Variants in AKR7A2 observed in about 807,000 individuals in gnomAD.
AKR7A2 encodes the protein aldo-keto reductase family 7 member A2, also known as aflatoxin B1 aldehyde reductase member 2.
Under a neutral mutation model 37.3 loss-of-function variants are expected in AKR7A2, and 29 were observed. That is an observed-to-expected ratio of 0.78 (90% CI 0.58 to 1.06). The LOEUF (loss-of-function observed/expected upper bound fraction) is 1.06, where lower values mean the gene tolerates loss of function less well. AKR7A2 is among the 50% of genes least tolerant of loss of function. The probability of loss-of-function intolerance (pLI) is 0.00; values close to 1 mark genes in which losing one functional copy is unlikely to be tolerated. For synonymous variants in AKR7A2, 228 were observed against 217.8 expected (o/e 1.05, Z -0.41); for missense variants, 529 against 497.9 (o/e 1.06, Z -0.59).
intron 1 of AKR7A2, among the ~76,000 whole-genome samples, chr1:19,309,808 C>T (rs2093768906): frequency 6.6e-6 from 1 of 151,972 alleles, no homozygotes; most frequent in South Asian, 2.1e-4. Context: ...GGAAAGGTAG[C>T]TCACGCCTGT....
chr1:19,307,469 T>C lies in AKR7A2; in HGVS notation c.592-59A>G, dbSNP rs530085013. 9.5e-6 allele frequency: 15 copies of C among 1,581,476 alleles called. No individual in the cohort carries two copies. The African/African-American group carries it at 1.6e-4, about 17-fold the overall frequency. On this transcript the variant is annotated intron_variant, in intron 3 of 6. Transcript: ENST00000235835. ...CATGTCAAGAGAAGGAACTGTTGCC[T>C]TCCACTTTCAAACCTCTAAAGCAAC...
Position 19,307,335 on chromosome 1 carries a change from A to G in AKR7A2, c.667T>C (p.Tyr223His). ...PCLRHFGLRF[Y>H]AYNPLAGGLL... is the part of the protein sequence containing the mutation. ...GTACCAGCCAGAGGGTTGTAGGCAT[A>G]GAACCTCAGTCCAAAGTGCCTGAGG... Residue 223 changes from tyrosine to histidine, a missense_variant, in exon 4 of 7, where the codon TAT becomes CAT. By Grantham distance (83) the Tyr-to-His change is moderately conservative. Transcript: ENST00000235835. 1 of 1,613,710 alleles carries G rather than the reference A, an allele frequency of 6.2e-7. No individual in the cohort carries two copies. The highest frequency in any genetic ancestry group is 8.5e-7 in the Non-Finnish European group (1 of 1,179,994).
At chr1:19,311,706 G>C (rs956593019) in intron 1 of AKR7A2, 121 bp downstream of exon 1, 25 of 1,281,636 alleles carry the variant, frequency 2.0e-5, no homozygotes, top group Non-Finnish European at 2.6e-5. Context: ...TGGACCTGGG[G>C]TGGGGAGCGA....
intron 1 of AKR7A2, among the ~76,000 whole-genome samples, chr1:19,310,647 G>A (rs1320968083): frequency 6.6e-6 from 1 of 152,152 alleles, no homozygotes; most frequent in East Asian, 1.9e-4. Context: ...ACTCCACCCT[G>A]GGTGACAGAG....
chr1:19,306,041 T>C lies in AKR7A2; in HGVS notation c.895A>G (p.Met299Val). Residue 299 changes from methionine (M) to valine (V), a missense_variant, in exon 6 of 7, where the codon ATG (methionine) becomes GTG (valine). Coordinates refer to ENST00000235835, the MANE Select transcript of AKR7A2 (RefSeq NM_003689.4). The part of the protein sequence containing the change: ...PSVTSAALRW[M>V]YHHSQLQGAH... ...ACCTGCAGCTGTGAGTGGTGGTACA[T>C]CCACCGGAGGGCAGCCGAGGTCACA... The C allele has an allele frequency of 6.2e-7, 1 of 1,614,058 alleles. No individual in the cohort carries two copies. The highest frequency in any genetic ancestry group is 8.5e-7 in the Non-Finnish European group (1 of 1,179,932).
chr1:19,305,397 G>A (rs903934256), intron 6 of AKR7A2, among the ~76,000 whole-genome samples: 3 of 152,132 alleles, frequency 2.0e-5, no homozygotes, highest in African/African-American at 7.2e-5. Context: ...AGGTGCAGTG[G>A]TGTAATCTCA....
In AKR7A2 at chr1:19,312,136, C is replaced by A; in HGVS notation, c.-12G>T. On this transcript the variant is annotated 5_prime_UTR_variant, in exon 1 of 7. The change creates a new upstream start codon in the 5' untranslated region. Coordinates refer to ENST00000235835, the MANE Select transcript of AKR7A2 (RefSeq NM_003689.4). ...GCGGCACTCAGCATAGCAGCGGCGCCTGCGCGTTGGGAGCCGGGGGCCCCG... is the reference window on the plus strand; with the variant it reads ...GCGGCACTCAGCATAGCAGCGGCGCATGCGCGTTGGGAGCCGGGGGCCCCG... The A allele has an allele frequency of 2.4e-6, 3 of 1,251,722 alleles. No individual in the cohort carries two copies. Among genetic ancestry groups the A allele is most frequent in the Non-Finnish European group, 3.0e-6 (3 of 999,154 alleles). The allele number at this position is 1,251,722 out of a possible 1,614,324, so 77.5% of individuals were successfully genotyped here.
At chr1:19,307,795 A>G (rs2093764495) in intron 3 of AKR7A2, 1 of 493,342 alleles carries the variant, frequency 2.0e-6, no homozygotes, top group Non-Finnish European at 3.7e-6. Flanking sequence ...TGAAGATGAG[A>G]TTTGGAGACT....
intron 1 of AKR7A2, among the ~76,000 whole-genome samples, chr1:19,310,616 G>C (rs1454841613): frequency 6.6e-6 from 1 of 152,124 alleles, no homozygotes; most frequent in Admixed American, 6.5e-5. Context: ...AGGTTGCAGT[G>C]AGCTGAGATC....
At chr1:19,310,029 T>C (rs1485728544) in intron 1 of AKR7A2, among the ~76,000 whole-genome samples, 3 of 151,804 alleles carry the variant, frequency 2.0e-5, no homozygotes, top group East Asian at 1.9e-4. Flanking sequence ...TGAGTCCAGA[T>C]TGTGCTACTG....
At position 19,308,594 on chromosome 1, in the gene AKR7A2, G is replaced by A. The variant is rs2093766762; in HGVS notation, c.347C>T (p.Pro116Leu). ...CTCCAGCTGGGACCGGACACTGTCA[G>A]GCTTTAGTGATTTTCCATCCCAAGG... is the stretch of plus-strand genomic sequence containing the variant. ...ANPWDGKSLKPDSVRSQLETS... is the reference protein window; with the variant it reads ...ANPWDGKSLKLDSVRSQLETS... The change falls in exon 2 of 7, where the codon CCT (proline) becomes CTT (leucine). Residue 116 changes from proline to leucine, a missense_variant. Pro to Leu is a moderately conservative substitution (Grantham distance 98, BLOSUM62 -3). Transcript: ENST00000235835. 6.2e-7 allele frequency: 1 copy of A among 1,614,092 alleles called. No homozygotes were observed. The highest frequency in any genetic ancestry group is 1.7e-5 in the Admixed American group (1 of 60,012).
rs2231203 is a variant in AKR7A2 at position 19,307,026 on chromosome 1, C to T, written c.764G>A (p.Ser255Asn). 5.4e-3 allele frequency: 8,715 copies of T among 1,614,192 alleles called. 465 individuals carry two copies. In the African/African-American group the frequency reaches 0.1, roughly 19 times the overall value. Residue 255 changes from serine (S) to asparagine (N), a missense_variant, in exon 5 of 7, where the codon AGC becomes AAC. Coordinates refer to ENST00000235835, the MANE Select transcript of AKR7A2 (RefSeq NM_003689.4). The part of the protein sequence containing the change: ...KQPVGRFFGN[S>N]WAETYRNRFW... ...CCGATTCCTGTAGGTCTCAGCCCAGCTATTCCCAAAGAAGCGGCCCACAGG... is the reference window on the plus strand; with the variant it reads ...CCGATTCCTGTAGGTCTCAGCCCAGTTATTCCCAAAGAAGCGGCCCACAGG...
chr1:19,310,453 T>A (rs2093770395), intron 1 of AKR7A2, among the ~76,000 whole-genome samples: 1 of 152,040 alleles, frequency 6.6e-6, no homozygotes. Flanking sequence ...ATCCCAGCAC[T>A]TTGGGAGGCT....
chr1:19,311,804 G>A, intron 1 of AKR7A2, 23 bp downstream of exon 1: 1 of 1,610,034 alleles, frequency 6.2e-7, no homozygotes, highest in Non-Finnish European at 8.5e-7. Context: ...CGATGCATGG[G>A]GAGGATCTGC....
chr1:19,311,465 T>C (rs747270276), intron 1 of AKR7A2, among the ~76,000 whole-genome samples: 2 of 151,994 alleles, frequency 1.3e-5, no homozygotes, highest in African/African-American at 2.4e-5. Flanking sequence ...AGGGTGTGCA[T>C]GCGTGATGAT....
intron 1 of AKR7A2, among the ~76,000 whole-genome samples, chr1:19,308,941 T>C (rs1412288779): frequency 1.3e-5 from 2 of 152,184 alleles, no homozygotes; most frequent in African/African-American, 4.8e-5. Flanking sequence ...TCTGCCCTCC[T>C]GGAGCCCTAG....
rs776206828 is a variant in AKR7A2 at position 19,304,287 on chromosome 1, C to T, written c.1018G>A (p.Val340Met). ...TGCCAGGCTTGATTAAAGGCATCCACGACAGCCGGCTCCAGGGGCCCTTCC... is the reference window on the plus strand; with the variant it reads ...TGCCAGGCTTGATTAAAGGCATCCATGACAGCCGGCTCCAGGGGCCCTTCC... Reference protein sequence around the residue: ...TEEGPLEPAVVDAFNQAWHLV... With the variant: ...TEEGPLEPAVMDAFNQAWHLV... The change falls in exon 7 of 7, where the codon GTG (valine) becomes ATG (methionine). Residue 340 changes from valine (V) to methionine (M), a missense_variant. Physicochemically the swap from Val to Met is conservative, Grantham distance 21. Transcript: ENST00000235835. 19 of 1,614,054 alleles carry T rather than the reference C, an allele frequency of 1.2e-5. No homozygotes were observed. The highest frequency in any genetic ancestry group is 4.5e-5 in the East Asian group (2 of 44,852).
chr1:19,311,705 G>A (rs1032388589), intron 1 of AKR7A2, 122 bp downstream of exon 1: 6 of 1,260,360 alleles, frequency 4.8e-6, no homozygotes, highest in Non-Finnish European at 6.7e-6. Flanking sequence ...GTGGACCTGG[G>A]GTGGGGAGCG....
intron 1 of AKR7A2, among the ~76,000 whole-genome samples, chr1:19,310,237 T>C (rs934321183): frequency 2.0e-5 from 3 of 152,134 alleles, no homozygotes; most frequent in African/African-American, 7.2e-5. Flanking sequence ...CAGTTTCTCA[T>C]CCAGATTTTC....
Sources: gnomAD v4.1 joint callset for allele counts (sites outside exome capture counted in the v4.1 genomes callset) on GRCh38, gnomAD v4.1.1 for gene constraint, MANE v1.5 for transcripts, NCBI Gene and HGNC (gene_info 2026-07-23, HGNC 2026-07-21) for gene names.